The following CCDC68 variants were observed in gnomAD, a reference collection of about 807,000 sequenced individuals.
CCDC68 encodes coiled-coil domain containing 68.
In CCDC68, 45 loss-of-function variants were observed where a neutral mutation model predicts 47.1. The observed-to-expected ratio is 0.96, with a 90% CI of 0.75 to 1.23. The LOEUF (loss-of-function observed/expected upper bound fraction) is 1.23, where lower values mean the gene tolerates loss of function less well. Ranked by LOEUF, CCDC68 falls within the 50% of genes most tolerant of loss-of-function variation. The probability of loss-of-function intolerance (pLI) is 0.00; values close to 1 mark genes in which losing one functional copy is unlikely to be tolerated. For synonymous variants in CCDC68, 131 were observed against 129.5 expected (o/e 1.01, Z -0.08); for missense variants, 353 against 373.6 (o/e 0.94, Z 0.45).
chr18:54,933,269 A>G (rs2044293546), intron 7 of CCDC68, among the ~76,000 whole-genome samples: 1 of 151,906 alleles, frequency 6.6e-6, no homozygotes, highest in African/African-American at 2.4e-5. Context: ...TTTAGTAGAG[A>G]CGGGGTTTCA....
At chr18:54,911,409 C>T (rs899803971) in intron 10 of CCDC68, among the ~76,000 whole-genome samples, 22 of 152,126 alleles carry the variant, frequency 1.4e-4, no homozygotes, top group Non-Finnish European at 1.5e-5. Context: ...GGTTTAGAGT[C>T]AGCCTTGAAT....
intron 8 of CCDC68, among the ~76,000 whole-genome samples, chr18:54,926,393 T>C (rs1045270946): frequency 1.3e-5 from 2 of 152,208 alleles, no homozygotes; most frequent in African/African-American, 4.8e-5. Flanking sequence ...AAGCCCCTTA[T>C]AAAACCATCA....
chr18:54,943,394 A>G (rs768678308), intron 2 of CCDC68, among the ~76,000 whole-genome samples: 2 of 152,172 alleles, frequency 1.3e-5, no homozygotes, highest in East Asian at 3.8e-4. Flanking sequence ...CACATTTTCT[A>G]TAAGAAGGGT....
chr18:54,929,404 A>G (rs1163891735), intron 7 of CCDC68, among the ~76,000 whole-genome samples: 2 of 152,228 alleles, frequency 1.3e-5, no homozygotes, highest in African/African-American at 4.8e-5. Flanking sequence ...ATACAGGAGA[A>G]ACTGAGATTG....
intron 10 of CCDC68, among the ~76,000 whole-genome samples, chr18:54,915,414 A>G (rs2043928335): frequency 6.6e-6 from 1 of 152,258 alleles, no homozygotes; most frequent in Non-Finnish European, 1.5e-5. Flanking sequence ...AAGTTTAAAA[A>G]TGAGAATACA....
intron 1 of CCDC68, among the ~76,000 whole-genome samples, chr18:54,958,755 C>A (rs1367476816): frequency 2.0e-5 from 3 of 152,212 alleles, no homozygotes; most frequent in Non-Finnish European, 4.4e-5. Context: ...CCGCCTAGCA[C>A]TCTGTAACTT....
chr18:54,939,248 A>T (rs759377662), intron 4 of CCDC68, among the ~76,000 whole-genome samples: 4 of 152,134 alleles, frequency 2.6e-5, no homozygotes, highest in Non-Finnish European at 5.9e-5. Context: ...CAGAGTAGGA[A>T]TTATTTTCTT....
intron 2 of CCDC68, among the ~76,000 whole-genome samples, chr18:54,944,095 G>T (rs1175592364): frequency 6.6e-6 from 1 of 152,050 alleles, no homozygotes; most frequent in Non-Finnish European, 1.5e-5. Flanking sequence ...ACAAAATAAT[G>T]ATTTATTTTC....
chr18:54,942,279 G>C (rs534568545), intron 3 of CCDC68, among the ~76,000 whole-genome samples: 1 of 152,146 alleles, frequency 6.6e-6, no homozygotes, highest in Non-Finnish European at 1.5e-5. Context: ...ACAAGGTAAC[G>C]AGAGGCACCA....
intron 10 of CCDC68, among the ~76,000 whole-genome samples, chr18:54,910,879 C>T (rs1026325019): frequency 6.6e-6 from 1 of 152,216 alleles, no homozygotes; most frequent in African/African-American, 2.4e-5. Context: ...AGGGAGAAGC[C>T]AGGCAGTGGG....
intron 2 of CCDC68, among the ~76,000 whole-genome samples, chr18:54,943,654 T>C (rs914205988): frequency 1.3e-5 from 2 of 152,152 alleles, no homozygotes; most frequent in African/African-American, 4.8e-5. Flanking sequence ...ACAAAAAGAA[T>C]AGCAAAATAA....
intron 10 of CCDC68, among the ~76,000 whole-genome samples, chr18:54,917,620 T>C (rs758108086): frequency 1.6e-4 from 25 of 152,200 alleles, no homozygotes; most frequent in Non-Finnish European, 2.8e-4. Context: ...ATAGTGCTAA[T>C]TTCTTATGCA....
Position 54,942,788 on chromosome 18 carries a change from T to G in CCDC68, c.4A>C (p.Thr2Pro). ...ATTTCTGTGGTCACTGTCACTGTTG[T>G]CATTGTGAATTCTGGCTTTAGGAAA... is the stretch of plus-strand genomic sequence containing the variant. MTTVTVTTEIPP... is the reference protein window; with the variant it reads MPTVTVTTEIPP... The change falls in exon 3 of 12, where the codon ACA becomes CCA. Residue 2 changes from threonine to proline, a missense_variant. Coordinates refer to ENST00000591504, the MANE Select transcript of CCDC68 (RefSeq NM_025214.3). 1 of 1,583,264 alleles carries G rather than the reference T, an allele frequency of 6.3e-7. No individual in the cohort carries two copies. The highest frequency in any genetic ancestry group is 8.7e-7 in the Non-Finnish European group (1 of 1,153,220).
intron 7 of CCDC68, among the ~76,000 whole-genome samples, chr18:54,931,633 A>G (rs1311621154): frequency 1.3e-5 from 2 of 152,194 alleles, no homozygotes; most frequent in Admixed American, 6.5e-5. Flanking sequence ...GAGCTCTAAA[A>G]TTGCAATGGA....
At chr18:54,927,954 G>A (rs2044173647) in intron 8 of CCDC68, among the ~76,000 whole-genome samples, 1 of 152,156 alleles carries the variant, frequency 6.6e-6, no homozygotes, top group African/African-American at 2.4e-5. Flanking sequence ...GAGAAAGAGG[G>A]ATGTCTGAGC....
chr18:54,905,268 G>C (rs1412527281), intron 11 of CCDC68, among the ~76,000 whole-genome samples: 1 of 148,234 alleles, frequency 6.7e-6, no homozygotes, highest in Non-Finnish European at 1.5e-5. Context: ...GAAAAACAAA[G>C]AGAATGAAAG....
chr18:54,930,627 CT>C (rs2044229497), intron 7 of CCDC68, among the ~76,000 whole-genome samples: 4 of 8,658 alleles, frequency 4.6e-4, no homozygotes, highest in South Asian at 6.3e-3. Flanking sequence ...TTCCCTTCCC[CT>C]CCCTCCCTCC....
At chr18:54,919,404 G>T in intron 8 of CCDC68, 28 bp from the exon 9 acceptor site, 1 of 1,533,552 alleles carries the variant, frequency 6.5e-7, no homozygotes, top group South Asian at 1.1e-5. Flanking sequence ...AAAAGACCAA[G>T]AGAAAATGAT....
chr18:54,912,289 A>G (rs1211804528), intron 10 of CCDC68, among the ~76,000 whole-genome samples: 1 of 152,238 alleles, frequency 6.6e-6, no homozygotes, highest in Non-Finnish European at 1.5e-5. Flanking sequence ...GATGAAAGAT[A>G]TGCAAAACCA....
Sources: allele counts gnomAD v4.1 joint callset (sites outside exome capture counted in the v4.1 genomes callset), GRCh38; gene constraint gnomAD v4.1.1; transcripts MANE v1.5; gene names NCBI Gene and HGNC (gene_info 2026-07-23, HGNC 2026-07-21).